The following DHX30 variants were observed in gnomAD, a reference collection of about 807,000 sequenced individuals.
DHX30 encodes the protein ATP-dependent RNA helicase DHX30.
DHX30 carries 4 observed loss-of-function variants against 116.9 expected under a neutral mutation model. That is an observed-to-expected ratio of 0.03 (90% confidence interval 0.02 to 0.08). The LOEUF (loss-of-function observed/expected upper bound fraction) is 0.08, where lower values mean the gene tolerates loss of function less well. Among genes scored for constraint, DHX30 ranks in the 10% least tolerant of loss-of-function variants. The pLI, the probability that DHX30 is intolerant of heterozygous loss-of-function variation, is 1.00. For synonymous variants in DHX30, 697 were observed against 651.7 expected, an observed-to-expected ratio of 1.07 and a Z score of -1.06; for missense variants, 871 against 1,595.1, an observed-to-expected ratio of 0.55 and a Z score of 7.73.
intron 7 of DHX30, 132 bp downstream of exon 7, chr3:47,841,310 T>C: frequency 3.7e-6 from 5 of 1,341,062 alleles, no homozygotes; most frequent in Non-Finnish European, 5.0e-6. Context: ...GCCCCATCAC[T>C]CAGTGTGTGT....
At position 47,849,641 on chromosome 3, in the gene DHX30, G is replaced by A. The variant is rs2037960335; in HGVS notation, c.3203G>A (p.Arg1068Gln). Residue 1068 changes from arginine (R) to glutamine (Q), a missense_variant, in exon 21 of 22, where the codon CGG becomes CAG. Coordinates refer to ENST00000445061, the MANE Select transcript of DHX30 (RefSeq NM_138615.3). ...HKSTINREAT[R>Q]LRSRWLTYFM... Reference sequence around the variant, plus strand: ...CCTGTGTTCCCTAGGGAGGCCACACGGTTACGGAGCCGATGGCTGACGTAT... The same window carrying A: ...CCTGTGTTCCCTAGGGAGGCCACACAGTTACGGAGCCGATGGCTGACGTAT... 1.2e-6 allele frequency: 2 copies of A among 1,614,208 alleles called. No individual in the cohort carries two copies. The highest frequency in any genetic ancestry group is 1.1e-5 in the South Asian group (1 of 91,088).
At chr3:47,839,980 C>T (rs114458099) in intron 6 of DHX30, among the ~76,000 whole-genome samples, 38 of 147,244 alleles carry the variant, frequency 2.6e-4, no homozygotes, top group Non-Finnish European at 4.5e-4. Flanking sequence ...CGTCTGGCTA[C>T]GTATTTTTTT....
intron 2 of DHX30, among the ~76,000 whole-genome samples, chr3:47,810,233 A>G (rs76964436): frequency 0.014 from 2,150 of 152,266 alleles, 46 homozygotes; most frequent in African/African-American, 0.042. Flanking sequence ...CACATGACAG[A>G]AGGGGTCCAT....
rs138648965 is a variant in DHX30, at chr3:47,823,150, T to C, written c.125-4197T>C. Among the ~76,000 whole-genome samples the C allele has an allele frequency of 2.3e-3, 342 of 151,200 alleles. 7 individuals are homozygous for C. Among genetic ancestry groups the C allele is most frequent in the East Asian group, 0.012 (63 of 5,150 alleles). The stretch of plus-strand genomic sequence containing the variant: ...AAAGGGGTTTCCCCTTATTAATCTA[T>C]CAGATCTCTTGAGACTTACTCACTA... On this transcript the variant is annotated intron_variant, in intron 4 of 21. Transcript: ENST00000445061.
chr3:47,813,615 G>C (rs2035899414), intron 3 of DHX30, among the ~76,000 whole-genome samples: 1 of 152,168 alleles, frequency 6.6e-6, no homozygotes, highest in South Asian at 2.1e-4. Context: ...TCTGTCTGAG[G>C]ATATTTTACA....
intron 5 of DHX30, among the ~76,000 whole-genome samples, 196 bp downstream of exon 5, chr3:47,827,673 C>T (rs1195754714): frequency 2.0e-5 from 3 of 152,122 alleles, no homozygotes; most frequent in Non-Finnish European, 4.4e-5. Flanking sequence ...AAGAGGAACA[C>T]AGGGCAAATG....
At chr3:47,831,262 G>T (rs2036836234) in intron 6 of DHX30, 1 of 152,138 alleles carries the variant, frequency 6.6e-6, no homozygotes, top group African/African-American at 2.4e-5. Context: ...CACAGCAAGA[G>T]AGAAGCTAGA....
intron 9 of DHX30, among the ~76,000 whole-genome samples, chr3:47,844,338 G>A (rs532197241): frequency 6.6e-6 from 1 of 152,248 alleles, no homozygotes; most frequent in Non-Finnish European, 1.5e-5. Context: ...AACAAGGACT[G>A]AGTAGAACTG....
At chr3:47,824,441 C>G (rs1439645383) in intron 4 of DHX30, among the ~76,000 whole-genome samples, 3 of 152,142 alleles carry the variant, frequency 2.0e-5, no homozygotes, top group Non-Finnish European at 4.4e-5. Flanking sequence ...TGGCCTGGCT[C>G]CAGATTTTCT....
At chr3:47,808,197 A>G (rs1256346820) in intron 2 of DHX30, among the ~76,000 whole-genome samples, 1 of 149,690 alleles carries the variant, frequency 6.7e-6, no homozygotes, top group African/African-American at 2.5e-5. Context: ...GGCATGAGCC[A>G]CTGCACCCGC....
At chr3:47,810,093 T>C (rs954098784) in intron 2 of DHX30, among the ~76,000 whole-genome samples, 3 of 152,232 alleles carry the variant, frequency 2.0e-5, no homozygotes, top group Non-Finnish European at 4.4e-5. Flanking sequence ...AGCTTTTTAT[T>C]CTGAATCACT....
chr3:47,820,335 G>A (rs1399541164), intron 4 of DHX30, among the ~76,000 whole-genome samples: 1 of 151,838 alleles, frequency 6.6e-6, no homozygotes, highest in Non-Finnish European at 1.5e-5. Flanking sequence ...AGAGACCTGC[G>A]GCTTATGTGG....
intron 9 of DHX30, among the ~76,000 whole-genome samples, chr3:47,843,690 G>T (rs2037475524): frequency 6.6e-6 from 1 of 152,154 alleles, no homozygotes; most frequent in Admixed American, 6.6e-5. Context: ...TAGAGACAGT[G>T]TGGCAGACAG....
Position 47,847,727 on chromosome 3 carries a change from G to A in DHX30, c.2111-54G>A. On this transcript the variant is annotated intron_variant, in intron 13 of 21. Coordinates refer to ENST00000445061, the MANE Select transcript of DHX30 (RefSeq NM_138615.3). This position sits in a 1 kb window ranked among gnomAD's most constrained non-coding sequence, Gnocchi z 5.5. The stretch of plus-strand genomic sequence containing the variant: ...AATCCTTGCCCTGCCCACATTCCAG[G>A]GGGGAATTCTGGTGGAAGCAGTGCC... The A allele has an allele frequency of 1.3e-6, 2 of 1,582,462 alleles. No homozygotes were observed. The highest frequency in any genetic ancestry group is 1.7e-6 in the Non-Finnish European group (2 of 1,160,230).
chr3:47,818,554 C>G (rs1220829345), intron 4 of DHX30, among the ~76,000 whole-genome samples: 4 of 152,172 alleles, frequency 2.6e-5, no homozygotes, highest in Non-Finnish European at 5.9e-5. Flanking sequence ...ACACACAGAT[C>G]ACTTTCCTGT....
At chr3:47,831,343 C>T (rs2036840447) in intron 6 of DHX30, among the ~76,000 whole-genome samples, 1 of 152,068 alleles carries the variant, frequency 6.6e-6, no homozygotes, top group South Asian at 2.1e-4. Context: ...GGGAGGGCAT[C>T]AAGCCATTCA....
At chr3:47,826,113 G>C (rs577451854) in intron 4 of DHX30, 6 of 152,212 alleles carry the variant, frequency 3.9e-5, no homozygotes, top group African/African-American at 7.2e-5. Flanking sequence ...GGATGTCCAT[G>C]CGGTGAAAAA....
chr3:47,803,318 G>A (rs564801803), intron 1 of DHX30, 106 bp downstream of exon 1: 1 of 385,418 alleles, frequency 2.6e-6, no homozygotes, highest in African/African-American at 2.1e-5. Context: ...CCAGCCTGGC[G>A]GAGAGTGGGG....
At chr3:47,823,553 G>C (rs1335539410) in intron 4 of DHX30, among the ~76,000 whole-genome samples, 1 of 151,954 alleles carries the variant, frequency 6.6e-6, no homozygotes, top group East Asian at 1.9e-4. Flanking sequence ...TAGTAGAGAT[G>C]GGGTTTCACC....
Sources: allele counts gnomAD v4.1 joint callset (sites outside exome capture counted in the v4.1 genomes callset), GRCh38; gene constraint gnomAD v4.1.1; non-coding constraint Gnocchi (gnomAD v3.1); transcripts MANE v1.5; gene names NCBI Gene and HGNC (gene_info 2026-07-23, HGNC 2026-07-21).